CNTNAP5: variants seen among roughly 807,000 people sequenced by gnomAD.
CNTNAP5 encodes contactin associated protein family member 5.
In CNTNAP5, 72 loss-of-function variants were observed where a neutral mutation model predicts 150.2. That is an observed-to-expected ratio of 0.48 (90% confidence interval 0.40 to 0.58). The LOEUF (loss-of-function observed/expected upper bound fraction) is 0.58. CNTNAP5 is among the 20% of genes least tolerant of loss of function. The pLI is 0.00. For synonymous variants in CNTNAP5, 672 were observed against 619.8 expected, an observed-to-expected ratio of 1.08 and a Z score of -1.25; for missense variants, 1,636 against 1,626.2, an observed-to-expected ratio of 1.01 and a Z score of -0.10.
chr2:124,299,051 A>G (rs1292591272), intron 3 of CNTNAP5, among the ~76,000 whole-genome samples: 1 of 152,304 alleles, frequency 6.6e-6, no homozygotes, highest in South Asian at 2.1e-4. Flanking sequence ...GAAAAATGGA[A>G]TTTATTGGAC....
At chr2:124,133,762 G>A (rs1478413215) in intron 1 of CNTNAP5, among the ~76,000 whole-genome samples, 2 of 152,122 alleles carry the variant, frequency 1.3e-5, no homozygotes, top group African/African-American at 2.4e-5. Flanking sequence ...TGTTCTAACT[G>A]CAGACTGTGT....
chr2:124,809,965 A>T (rs934999752), intron 19 of CNTNAP5, among the ~76,000 whole-genome samples: 6 of 152,184 alleles, frequency 3.9e-5, no homozygotes, highest in African/African-American at 1.2e-4. Flanking sequence ...AGTCAGACAG[A>T]TATGGAACTT....
intron 6 of CNTNAP5, among the ~76,000 whole-genome samples, chr2:124,450,989 C>A (rs1314475696): frequency 1.5e-5 from 2 of 134,368 alleles, no homozygotes; most frequent in Non-Finnish European, 3.1e-5. Flanking sequence ...GATAGCACCA[C>A]TGCACTCCAG....
chr2:124,277,410 C>T (rs1295120604), intron 3 of CNTNAP5, among the ~76,000 whole-genome samples: 1 of 152,072 alleles, frequency 6.6e-6, no homozygotes, highest in Admixed American at 6.6e-5. Context: ...AACAGCAAGT[C>T]CTGGTATTGC....
At chr2:124,555,910 A>C (rs1431516926) in intron 10 of CNTNAP5, among the ~76,000 whole-genome samples, 1 of 152,254 alleles carries the variant, frequency 6.6e-6, no homozygotes, top group Non-Finnish European at 1.5e-5. Flanking sequence ...TTAATTGTGC[A>C]AACGTACATA....
chr2:124,099,490 G>C (rs997607306), intron 1 of CNTNAP5, among the ~76,000 whole-genome samples: 8 of 152,208 alleles, frequency 5.3e-5, no homozygotes, highest in Non-Finnish European at 8.8e-5. Flanking sequence ...AAAAGTGACA[G>C]TTGGCATTGT....
chr2:124,710,271 A>G (rs1041575025), intron 13 of CNTNAP5, among the ~76,000 whole-genome samples: 3 of 152,102 alleles, frequency 2.0e-5, no homozygotes, highest in East Asian at 1.9e-4. Context: ...AATATTGACA[A>G]ATTAATTCAG....
At chr2:124,165,759 G>A (rs1371460428) in intron 1 of CNTNAP5, among the ~76,000 whole-genome samples, 1 of 152,128 alleles carries the variant, frequency 6.6e-6, no homozygotes, top group Non-Finnish European at 1.5e-5. Context: ...ACATTAGACA[G>A]AATCTGGAGG....
intron 7 of CNTNAP5, among the ~76,000 whole-genome samples, chr2:124,484,976 C>T (rs143460434): frequency 5.9e-5 from 9 of 152,260 alleles, no homozygotes; most frequent in African/African-American, 7.2e-5. Flanking sequence ...ATCACCAGGA[C>T]GCCTAGTAAG....
intron 22 of CNTNAP5, among the ~76,000 whole-genome samples, chr2:124,905,596 G>A (rs1240619901): frequency 2.0e-5 from 3 of 152,098 alleles, no homozygotes; most frequent in Non-Finnish European, 4.4e-5. Flanking sequence ...ATGATAAGGT[G>A]ACAGGCATGA....
chr2:124,270,215 T>A lies in CNTNAP5; in HGVS notation c.381+27822T>A, dbSNP rs553192572. Among the ~76,000 whole-genome samples the A allele has an allele frequency of 2.6e-5, 4 of 152,012 alleles. No individual in the cohort carries two copies. In the South Asian group the frequency reaches 8.3e-4, roughly 32 times the overall value. The stretch of plus-strand genomic sequence containing the variant: ...TCCCAGCTACTCAGGAGGCTGAGAT[T>A]GGAGAATCGCTTGAACCTGGGAGAC... On this transcript the variant is annotated intron_variant, in intron 3 of 23. Transcript: ENST00000682447.
intron 11 of CNTNAP5, among the ~76,000 whole-genome samples, chr2:124,577,264 C>T (rs77567954): frequency 0.028 from 4,218 of 152,178 alleles, 203 homozygotes; most frequent in African/African-American, 0.097. Context: ...TCAGAACATA[C>T]CTAGGAACAA....
intron 5 of CNTNAP5, among the ~76,000 whole-genome samples, chr2:124,445,780 G>A (rs1243728851): frequency 6.6e-6 from 1 of 152,124 alleles, no homozygotes; most frequent in Non-Finnish European, 1.5e-5. Flanking sequence ...AGTTACTAAG[G>A]AACCTAATAT....
intron 13 of CNTNAP5, among the ~76,000 whole-genome samples, chr2:124,655,151 A>T (rs1182377116): frequency 1.3e-5 from 2 of 151,848 alleles, no homozygotes; most frequent in Non-Finnish European, 2.9e-5. Context: ...CCTTTCCCCT[A>T]ACCCTCTGAT....
chr2:124,358,729 C>A (rs922794669), intron 3 of CNTNAP5, among the ~76,000 whole-genome samples: 9 of 152,070 alleles, frequency 5.9e-5, no homozygotes, highest in African/African-American at 1.7e-4. Context: ...AGGATTTTTG[C>A]ATCAATGTTC....
intron 1 of CNTNAP5, among the ~76,000 whole-genome samples, chr2:124,174,614 G>T (rs891843419): frequency 6.6e-6 from 1 of 152,186 alleles, no homozygotes; most frequent in African/African-American, 2.4e-5. Flanking sequence ...AGTGTGAGAC[G>T]TTGCTACTTA....
At chr2:124,895,355 GT>G (rs1331153516) in intron 21 of CNTNAP5, among the ~76,000 whole-genome samples, 2 of 151,522 alleles carry the variant, frequency 1.3e-5, no homozygotes, top group Non-Finnish European at 2.9e-5. Context: ...ACCAGGTATG[GT>G]GGCTCACATC....
intron 21 of CNTNAP5, among the ~76,000 whole-genome samples, chr2:124,900,444 C>T (rs537790476): frequency 6.9e-4 from 104 of 151,532 alleles, no homozygotes; most frequent in Non-Finnish European, 1.3e-3. Flanking sequence ...ATCAGGGATT[C>T]TTGTTCTTTG....
At chr2:124,736,460 C>T (rs1489813277) in intron 13 of CNTNAP5, among the ~76,000 whole-genome samples, 1 of 152,010 alleles carries the variant, frequency 6.6e-6, no homozygotes, top group African/African-American at 2.4e-5. Context: ...AGTGTTTTGC[C>T]TTTTATACTA....
Sources: gnomAD v4.1 joint callset for allele counts (sites outside exome capture counted in the v4.1 genomes callset) on GRCh38, gnomAD v4.1.1 for gene constraint, MANE v1.5 for transcripts, NCBI Gene and HGNC (gene_info 2026-07-23, HGNC 2026-07-21) for gene names.